Variants in SLC47A1 observed in about 807,000 individuals in gnomAD.
SLC47A1 encodes solute carrier family 47 member 1.
A neutral mutation model predicts 65.8 loss-of-function variants in SLC47A1; 58 were observed. The observed-to-expected ratio is 0.88, with a 90% CI of 0.71 to 1.10. SLC47A1 has a LOEUF of 1.10. Ranked by LOEUF, SLC47A1 falls within the 50% of genes least tolerant of loss-of-function variation. The probability of loss-of-function intolerance (pLI) is 0.00; values close to 1 mark genes in which losing one functional copy is unlikely to be tolerated. For missense variants in SLC47A1, 706 were observed against 719.2 expected (o/e 0.98, Z 0.21); for synonymous variants, 285 against 295.0 (o/e 0.97, Z 0.35).
At chr17:19,576,764 A>C (rs927210481) in intron 16 of SLC47A1, among the ~76,000 whole-genome samples, 10 of 142,478 alleles carry the variant, frequency 7.0e-5, no homozygotes, top group African/African-American at 2.6e-4. Context: ...CTTGGAGTGG[A>C]GTTTTGCTCT....
intron 4 of SLC47A1, among the ~76,000 whole-genome samples, chr17:19,549,079 T>C (rs1383236511): frequency 1.3e-5 from 2 of 152,148 alleles, no homozygotes. Flanking sequence ...GAGAATTACC[T>C]GGCCATAGTG....
intron 4 of SLC47A1, among the ~76,000 whole-genome samples, chr17:19,549,403 T>TAGCC (rs1465926868): frequency 6.6e-6 from 1 of 152,084 alleles, no homozygotes; most frequent in Non-Finnish European, 1.5e-5. Context: ...TTTACTATGT[T>TAGCC]AGCCAGGCTG....
At chr17:19,549,813 GT>G in intron 5 of SLC47A1, 136 bp downstream of exon 5, 1 of 926,452 alleles carries the variant, frequency 1.1e-6, no homozygotes, top group Non-Finnish European at 1.7e-6. Context: ...AAGGAAGCCT[GT>G]TTTTATTTAT....
At chr17:19,550,340 G>A (rs2152313707) in intron 5 of SLC47A1, among the ~76,000 whole-genome samples, 1 of 151,744 alleles carries the variant, frequency 6.6e-6, no homozygotes, top group East Asian at 1.9e-4. Flanking sequence ...TTCTAAGATA[G>A]GGTGTCACTC....
intron 6 of SLC47A1, among the ~76,000 whole-genome samples, chr17:19,554,736 C>A (rs1470142840): frequency 6.6e-6 from 1 of 152,164 alleles, no homozygotes; most frequent in Non-Finnish European, 1.5e-5. Flanking sequence ...TTCACCAGTC[C>A]TGTACTTTTG....
Position 19,556,099 on chromosome 17 carries a change from G to A in SLC47A1, c.921+37G>A, listed in dbSNP as rs370784600. The A allele has an allele frequency of 4.5e-5, 72 of 1,608,832 alleles. No homozygotes were observed. In the African/African-American group the frequency reaches 5.5e-4, roughly 12 times the overall value. ...AGCCGATCATGGGGAGGTGCCAGGC[G>A]TTTTCCTTGCTTGGTATCTGAAAGA... On this transcript the variant is annotated intron_variant, in intron 10 of 16. Transcript: ENST00000270570.
At chr17:19,540,702 G>A (rs1310386258) in intron 1 of SLC47A1, among the ~76,000 whole-genome samples, 17 of 151,642 alleles carry the variant, frequency 1.1e-4, no homozygotes, top group Admixed American at 1.1e-3. Context: ...GTCTTATTTT[G>A]GCTTACGCAA....
At position 19,572,717 on chromosome 17, in the gene SLC47A1, G is replaced by C. The variant is rs1304139609; in HGVS notation, c.1405-63G>C. The C allele has an allele frequency of 6.5e-5, 96 of 1,477,466 alleles. 1 individual carries two copies. The South Asian group carries it at 1.0e-3, about 16-fold the overall frequency. The allele number at this position is 1,477,466 out of a possible 1,614,324, so 91.5% of individuals were successfully genotyped here. The stretch of plus-strand genomic sequence containing the variant: ...TGGCTTGGCTCTTCCTAAACTAGGT[G>C]GTCAAGTAAAATACCATATTAACAC... On this transcript the variant is annotated intron_variant, in intron 15 of 16. Transcript: ENST00000270570.
chr17:19,570,143 C>G (rs1015589022), intron 14 of SLC47A1, among the ~76,000 whole-genome samples: 1 of 152,146 alleles, frequency 6.6e-6, no homozygotes, highest in Non-Finnish European at 1.5e-5. Flanking sequence ...AAAGGGCAGG[C>G]TGATCATACC....
chr17:19,573,512 A>T (rs1012073766), intron 16 of SLC47A1, among the ~76,000 whole-genome samples: 2 of 148,532 alleles, frequency 1.3e-5, no homozygotes, highest in African/African-American at 2.5e-5. Flanking sequence ...TTAATTTTTT[A>T]AAATTAAAGA....
chr17:19,571,989 G>A (rs1176090456), intron 15 of SLC47A1, among the ~76,000 whole-genome samples: 2 of 152,068 alleles, frequency 1.3e-5, no homozygotes, highest in Non-Finnish European at 2.9e-5. Flanking sequence ...AGAAATAGGT[G>A]GTAGAAAAAT....
intron 12 of SLC47A1, chr17:19,564,506 G>T (rs550551432): frequency 6.6e-6 from 1 of 152,176 alleles, no homozygotes; most frequent in African/African-American, 2.4e-5. Flanking sequence ...AACATGGAAC[G>T]TGCTAGGAAT....
rs75837182 is a variant in SLC47A1, at chr17:19,554,362, G to A, written c.544-850G>A. Among the ~76,000 whole-genome samples, 388 of 152,308 alleles carry A rather than the reference G, an allele frequency of 2.5e-3. 10 individuals carry two copies. The East Asian group carries it at 0.065, about 26-fold the overall frequency. On this transcript the variant is annotated intron_variant, in intron 6 of 16. Coordinates refer to ENST00000270570, the MANE Select transcript of SLC47A1 (RefSeq NM_018242.3). ...TCCAGGAGCTCCCACGAAGCTCTGTGCCTGGGTTGGAAATTGAGGCTACTT... is the reference window on the plus strand; with the variant it reads ...TCCAGGAGCTCCCACGAAGCTCTGTACCTGGGTTGGAAATTGAGGCTACTT...
intron 3 of SLC47A1, among the ~76,000 whole-genome samples, chr17:19,546,757 C>G (rs1916302112): frequency 6.6e-6 from 1 of 152,150 alleles, no homozygotes; most frequent in Non-Finnish European, 1.5e-5. Context: ...AAATTCCCTT[C>G]TATTGCTCCC....
chr17:19,538,715 G>C (rs1916061064), intron 1 of SLC47A1, among the ~76,000 whole-genome samples: 2 of 152,196 alleles, frequency 1.3e-5, no homozygotes, highest in Admixed American at 1.3e-4. Flanking sequence ...AAGAAGGGGG[G>C]CTGTCCCAGG....
intron 12 of SLC47A1, among the ~76,000 whole-genome samples, chr17:19,561,884 A>G (rs1671883716): frequency 2.0e-5 from 3 of 152,180 alleles, no homozygotes. Flanking sequence ...GTATCGGCCA[A>G]AGTGCCCGGT....
Position 19,543,979 on chromosome 17 carries a change from G to A in SLC47A1, c.237+1485G>A, listed in dbSNP as rs1916221544. Among the ~76,000 whole-genome samples, 3 of 152,284 alleles carry A rather than the reference G, an allele frequency of 2.0e-5. No individual in the cohort carries two copies. The East Asian group carries it at 5.8e-4, about 29-fold the overall frequency. On this transcript the variant is annotated intron_variant, in intron 2 of 16. Transcript: ENST00000270570. ...TTTATTTAATTATTTATTTTGAGATGGAGTCTCGCTCTGTCGCCCGGTCTG... is the reference window on the plus strand; with the variant it reads ...TTTATTTAATTATTTATTTTGAGATAGAGTCTCGCTCTGTCGCCCGGTCTG...
chr17:19,542,260 G>A lies in SLC47A1; in HGVS notation c.136-133G>A, dbSNP rs1916169200. 6 of 488,214 alleles carry A rather than the reference G, an allele frequency of 1.2e-5. No individual in the cohort carries two copies. The East Asian group carries it at 1.9e-4, about 16-fold the overall frequency. The allele number at this position is 488,214 out of a possible 1,614,324, so 30.2% of individuals were successfully genotyped here. On this transcript the variant is annotated intron_variant, in intron 1 of 16. Transcript: ENST00000270570. ...AGAAATTGTACATTTGCCTGTGAAAGGTGGCAGAGGCTCACTGAAGTTGTA... is the reference window on the plus strand; with the variant it reads ...AGAAATTGTACATTTGCCTGTGAAAAGTGGCAGAGGCTCACTGAAGTTGTA...
At chr17:19,564,021 A>C (rs2084337186) in intron 12 of SLC47A1, among the ~76,000 whole-genome samples, 1 of 151,008 alleles carries the variant, frequency 6.6e-6, no homozygotes, top group African/African-American at 2.4e-5. Context: ...GACAGAATTT[A>C]GCAGCACATT....
Sources: allele counts gnomAD v4.1 joint callset (sites outside exome capture counted in the v4.1 genomes callset), GRCh38; gene constraint gnomAD v4.1.1; transcripts MANE v1.5; gene names NCBI Gene and HGNC (gene_info 2026-07-23, HGNC 2026-07-21).